Variants in SLC3A2 observed in about 807,000 individuals in gnomAD.
The protein encoded by SLC3A2 is solute carrier family 3 member 2, also known as amino acid transporter heavy chain SLC3A2.
In SLC3A2, 32 loss-of-function variants were observed where a neutral mutation model predicts 48.5. The ratio of observed to expected loss-of-function variants is 0.66; its 90% CI spans 0.50 to 0.89. The LOEUF (loss-of-function observed/expected upper bound fraction) is 0.89, where lower values mean the gene tolerates loss of function less well. Ranked by LOEUF, SLC3A2 falls within the 40% of genes least tolerant of loss-of-function variation. The probability of loss-of-function intolerance (pLI) is 0.00; values close to 1 mark genes in which losing one functional copy is unlikely to be tolerated. For missense variants in SLC3A2, 587 were observed against 680.7 expected, an observed-to-expected ratio of 0.86 and a Z score of 1.53; for synonymous variants, 277 against 288.8, an observed-to-expected ratio of 0.96 and a Z score of 0.41.
intron 1 of SLC3A2, among the ~76,000 whole-genome samples, chr11:62,859,423 A>C (rs2085374449): frequency 6.6e-6 from 1 of 152,096 alleles, no homozygotes; most frequent in African/African-American, 2.4e-5. Flanking sequence ...TCCCATGTCT[A>C]TTTCTTTCTA....
At chr11:62,879,016 G>A (rs1264885241), upstream of SLC3A2, among the ~76,000 whole-genome samples, 4 of 150,320 alleles carry the variant, frequency 2.7e-5, no homozygotes, top group African/African-American at 9.8e-5. Flanking sequence ...CAAGTTATCC[G>A]CCACCCTCAG....
chr11:62,878,549 T>A (rs2085593296), upstream of SLC3A2, among the ~76,000 whole-genome samples: 2 of 151,170 alleles, frequency 1.3e-5, no homozygotes, highest in Admixed American at 1.3e-4. Context: ...CACTGCAAGC[T>A]CCGCCTCCCA....
intron 7 of SLC3A2, 77 bp from the exon 8 acceptor site, chr11:62,888,058 G>T: frequency 1.5e-6 from 2 of 1,343,076 alleles, no homozygotes; most frequent in South Asian, 1.2e-5. Flanking sequence ...TGACCTCCCA[G>T]ACTGCTGGAA....
intron 1 of SLC3A2, among the ~76,000 whole-genome samples, chr11:62,864,380 C>T (rs571439544): frequency 2.0e-5 from 3 of 151,932 alleles, no homozygotes; most frequent in Non-Finnish European, 2.9e-5. Context: ...CTTCCACCTT[C>T]CGAGTTCAAG....
At chr11:62,876,895 T>C (rs893991232), upstream of SLC3A2, 9 of 1,009,310 alleles carry the variant, frequency 8.9e-6, no homozygotes, top group Non-Finnish European at 1.1e-5. Flanking sequence ...CCACAGTGCC[T>C]GGCAGTTTGT....
chr11:62,856,622 C>T (rs2085327635), intron 1 of SLC3A2, among the ~76,000 whole-genome samples: 1 of 152,102 alleles, frequency 6.6e-6, no homozygotes, highest in Non-Finnish European at 1.5e-5. Flanking sequence ...CACCAAAATC[C>T]CAAGAGCTAG....
chr11:62,878,469 ATTT>A (rs35228448), upstream of SLC3A2, among the ~76,000 whole-genome samples: 1 of 142,576 alleles, frequency 7.0e-6, no homozygotes, highest in Non-Finnish European at 1.5e-5. Context: ...ACAGATGATA[ATTT>A]TTTTTTTTTT....
At position 62,881,363 on chromosome 11, in the gene SLC3A2, G is replaced by A; in HGVS notation, c.340G>A (p.Ala114Thr). ...VRAPRCRELP[A>T]QKWWHTGALY... ...AGCGCCGCGTTGTCGCGAGCTACCG[G>A]CGCAGAAGTGGTGGCACACGGGCGC... is the stretch of plus-strand genomic sequence containing the variant. The change falls in exon 1 of 9, where the codon GCG (alanine) becomes ACG (threonine). Residue 114 changes from alanine (A) to threonine (T), a missense_variant. Physicochemically the swap from Ala to Thr is moderately conservative, Grantham distance 58. Transcript: ENST00000338663. The surrounding 1 kb of genome is among the most constrained non-coding windows in gnomAD (Gnocchi z 4.0). 1 of 1,597,464 alleles carries A rather than the reference G, an allele frequency of 6.3e-7. No homozygotes were observed. Among genetic ancestry groups the A allele is most frequent in the South Asian group, 1.1e-5 (1 of 89,758 alleles).
chr11:62,882,719 G>A, intron 2 of SLC3A2, 189 bp from the exon 3 acceptor site: 1 of 582,430 alleles, frequency 1.7e-6, no homozygotes, highest in Non-Finnish European at 3.1e-6. Context: ...CGCCTGGCCT[G>A]CCTTCCCATA....
intron 1 of SLC3A2, among the ~76,000 whole-genome samples, chr11:62,862,456 C>A (rs1470479453): frequency 6.6e-6 from 1 of 151,742 alleles, no homozygotes; most frequent in African/African-American, 2.4e-5. Context: ...TTGAGACCAG[C>A]CTGGGCAACA....
In SLC3A2 at chr11:62,866,252, G is replaced by A. The variant is rs543399034; in HGVS notation, c.112+9871G>A. Among the ~76,000 whole-genome samples the A allele has an allele frequency of 2.6e-5, 4 of 151,976 alleles. No homozygotes were observed. In the South Asian group the frequency reaches 6.3e-4, roughly 24 times the overall value. ...TCTGCCTCGGCCTCCCAAGTAGCTGGGATTACAGGTGCCTGCCGCCATCCC... is the reference window on the plus strand; with the variant it reads ...TCTGCCTCGGCCTCCCAAGTAGCTGAGATTACAGGTGCCTGCCGCCATCCC... On this transcript the variant is annotated intron_variant, in intron 1 of 9. Coordinates refer to the SLC3A2 transcript ENST00000377889.
At chr11:62,859,767 CAT>C (rs1424599919) in intron 1 of SLC3A2, among the ~76,000 whole-genome samples, 1 of 152,034 alleles carries the variant, frequency 6.6e-6, no homozygotes, top group Non-Finnish European at 1.5e-5. Flanking sequence ...TTGTGAGTGA[CAT>C]AGAATCTACT....
chr11:62,856,700 ACTCCTG>A (rs1466476708), intron 1 of SLC3A2, among the ~76,000 whole-genome samples: 1 of 151,676 alleles, frequency 6.6e-6, no homozygotes, highest in African/African-American at 2.4e-5. Context: ...GCCTGCTGCA[ACTCCTG>A]CCTGATCAAT....
intron 1 of SLC3A2, among the ~76,000 whole-genome samples, chr11:62,864,496 T>C (rs773845821): frequency 3.3e-5 from 5 of 152,090 alleles, no homozygotes; most frequent in Non-Finnish European, 7.4e-5. Flanking sequence ...AGACGGAGTC[T>C]CGCTCTGTCG....
upstream of SLC3A2, among the ~76,000 whole-genome samples, chr11:62,877,844 C>T (rs2085585683): frequency 1.3e-5 from 2 of 152,200 alleles, no homozygotes; most frequent in African/African-American, 4.8e-5. Flanking sequence ...AGCTGTTATC[C>T]TCTTTATGCA....
At chr11:62,887,257 A>G (rs2135021389) in intron 7 of SLC3A2, among the ~76,000 whole-genome samples, 1 of 152,190 alleles carries the variant, frequency 6.6e-6, no homozygotes, top group East Asian at 1.9e-4. Context: ...CTTGTTTTAT[A>G]GAGAGTAGCC....
At chr11:62,882,662 T>G in intron 2 of SLC3A2, 1 of 437,820 alleles carries the variant, frequency 2.3e-6, no homozygotes. Context: ...TTTTTTTATT[T>G]TTAGTAGAGA....
intron 1 of SLC3A2, among the ~76,000 whole-genome samples, chr11:62,873,837 C>T (rs2085542847): frequency 6.6e-6 from 1 of 151,922 alleles, no homozygotes; most frequent in African/African-American, 2.4e-5. Context: ...AGTTCTAGCT[C>T]TGTTGCCCAG....
chr11:62,880,494 TG>T (rs2085618299), upstream of SLC3A2: 1 of 152,656 alleles, frequency 6.6e-6, no homozygotes, highest in Admixed American at 6.5e-5. Context: ...CATGCAAAGT[TG>T]GGAAAACCAG....
Sources: gnomAD v4.1 joint callset for allele counts (sites outside exome capture counted in the v4.1 genomes callset) on GRCh38, gnomAD v4.1.1 for gene constraint, Gnocchi (gnomAD v3.1) non-coding constraint, MANE v1.5 for transcripts, NCBI Gene and HGNC (gene_info 2026-07-23, HGNC 2026-07-21) for gene names.